MTUS2: variants seen among roughly 807,000 people sequenced by gnomAD.
The protein encoded by MTUS2 is microtubule associated scaffold protein 2.
MTUS2 carries 40 observed loss-of-function variants against 114.1 expected under a neutral mutation model. The ratio of observed to expected loss-of-function variants is 0.35; its 90% CI spans 0.27 to 0.46. The LOEUF (loss-of-function observed/expected upper bound fraction) is 0.46. Ranked by LOEUF, MTUS2 falls within the 20% of genes least tolerant of loss-of-function variation. MTUS2 has a pLI of 1.00. For synonymous variants in MTUS2, 688 were observed against 672.0 expected, an observed-to-expected ratio of 1.02 and a Z score of -0.37; for missense variants, 1,679 against 1,705.4, an observed-to-expected ratio of 0.98 and a Z score of 0.27.
intron 8 of MTUS2, among the ~76,000 whole-genome samples, chr13:29,428,462 A>G (rs1249063678): frequency 6.6e-6 from 1 of 152,216 alleles, no homozygotes; most frequent in African/African-American, 2.4e-5. Context: ...CCGCGCACCC[A>G]GAGGAGAGCA....
rs1884707212 is a variant in MTUS2, at chr13:28,989,049, G to A, written c.-242-35408G>A. Among the ~76,000 whole-genome samples the A allele has an allele frequency of 2.0e-5, 3 of 152,232 alleles. No homozygotes were observed. In the South Asian group the frequency reaches 6.2e-4, roughly 31 times the overall value. Reference sequence around the variant, plus strand: ...TGGTTTTGGACTAGCTTCTAATCAAGAGATGCAAATGCTTTCTTGTCAGCA... The same window carrying A: ...TGGTTTTGGACTAGCTTCTAATCAAAAGATGCAAATGCTTTCTTGTCAGCA... On this transcript the variant is annotated intron_variant, in intron 2 of 15. Transcript: ENST00000612955.
intron 2 of MTUS2, among the ~76,000 whole-genome samples, chr13:28,857,514 C>A (rs940567963): frequency 1.3e-5 from 2 of 152,144 alleles, no homozygotes; most frequent in Non-Finnish European, 2.9e-5. Context: ...CAAGAGGCAG[C>A]AAGTGCCAGA....
At chr13:29,242,151 G>C (rs1015560531) in intron 5 of MTUS2, among the ~76,000 whole-genome samples, 2 of 151,928 alleles carry the variant, frequency 1.3e-5, no homozygotes, top group East Asian at 3.8e-4. Context: ...GTGACTTTTT[G>C]TCAATTTACT....
At chr13:29,334,793 C>G (rs1900967800) in intron 7 of MTUS2, among the ~76,000 whole-genome samples, 1 of 152,154 alleles carries the variant, frequency 6.6e-6, no homozygotes, top group African/African-American at 2.4e-5. Flanking sequence ...CTGGCTGAAG[C>G]CACGGCAGAA....
At chr13:29,407,847 C>G (rs147470187) in intron 8 of MTUS2, among the ~76,000 whole-genome samples, 126 of 152,292 alleles carry the variant, frequency 8.3e-4, no homozygotes, top group African/African-American at 2.9e-3. Flanking sequence ...TACTAGCCAA[C>G]TGAGATATCA....
chr13:28,938,160 G>A (rs1459187449), intron 2 of MTUS2, among the ~76,000 whole-genome samples: 7 of 152,138 alleles, frequency 4.6e-5, no homozygotes, highest in African/African-American at 7.2e-5. Flanking sequence ...CAAGGCGAGC[G>A]GATCATGAGG....
intron 5 of MTUS2, among the ~76,000 whole-genome samples, chr13:29,273,720 C>T (rs1897959981): frequency 6.6e-6 from 1 of 152,138 alleles, no homozygotes; most frequent in African/African-American, 2.4e-5. Context: ...CCCTTCAGCC[C>T]CTGAAAGCCA....
intron 5 of MTUS2, among the ~76,000 whole-genome samples, chr13:29,119,637 G>A (rs1891227443): frequency 6.6e-6 from 1 of 152,144 alleles, no homozygotes; most frequent in African/African-American, 2.4e-5. Flanking sequence ...TGAGCACCAG[G>A]AGTACTGAGG....
intron 2 of MTUS2, among the ~76,000 whole-genome samples, chr13:28,860,656 C>G (rs990318040): frequency 2.0e-5 from 3 of 152,220 alleles, no homozygotes; most frequent in Admixed American, 6.5e-5. Context: ...TGACCGCACC[C>G]TCCTTGCTCC....
chr13:28,852,900 A>C (rs144655335), intron 2 of MTUS2, among the ~76,000 whole-genome samples: 4 of 148,490 alleles, frequency 2.7e-5, no homozygotes, highest in South Asian at 2.2e-4. Context: ...CTCTGTCTTA[A>C]ATACATACAT....
intron 9 of MTUS2, among the ~76,000 whole-genome samples, chr13:29,452,570 ATATATG>A (rs1878770584): frequency 7.6e-6 from 1 of 131,184 alleles, no homozygotes; most frequent in Admixed American, 8.2e-5. Flanking sequence ...ATATATATAT[ATATATG>A]TGTGTGTGTG....
chr13:29,081,830 C>T (rs1175783679), intron 4 of MTUS2, among the ~76,000 whole-genome samples: 9 of 151,796 alleles, frequency 5.9e-5, no homozygotes, highest in African/African-American at 1.9e-4. Context: ...CAACCTTGAA[C>T]GAGAAATTGT....
intron 5 of MTUS2, among the ~76,000 whole-genome samples, chr13:29,259,816 G>A (rs1897403139): frequency 6.6e-6 from 1 of 152,148 alleles, no homozygotes; most frequent in Non-Finnish European, 1.5e-5. Context: ...GGAGAGGGGA[G>A]CCTAACCTTT....
chr13:28,979,772 G>A (rs111339328), intron 2 of MTUS2, among the ~76,000 whole-genome samples: 1,884 of 152,232 alleles, frequency 0.012, 34 homozygotes, highest in African/African-American at 0.043. Context: ...CAGTTTCCCA[G>A]AATACACTGC....
chr13:29,187,621 C>G (rs1433301086), intron 5 of MTUS2, among the ~76,000 whole-genome samples: 2 of 152,260 alleles, frequency 1.3e-5, no homozygotes, highest in Admixed American at 1.3e-4. Flanking sequence ...TGGAACATGG[C>G]AAAATACTTT....
chr13:29,263,616 G>A (rs565970367), intron 5 of MTUS2, among the ~76,000 whole-genome samples: 3 of 152,064 alleles, frequency 2.0e-5, no homozygotes, highest in South Asian at 2.1e-4. Flanking sequence ...TTTTACTCAC[G>A]GCAGAAGACA....
In MTUS2 at chr13:29,028,612, G is replaced by A. The variant is rs189488591; in HGVS notation, c.2205+1709G>A. On this transcript the variant is annotated intron_variant, in intron 3 of 15. Coordinates refer to ENST00000612955, the MANE Select transcript of MTUS2 (RefSeq NM_001033602.4). The stretch of plus-strand genomic sequence containing the variant: ...TCTCCCTCACTCCCTTTAGGTCTGT[G>A]TTCCAATGTTATCTCCTTGGGAAGG... 5.3e-5 allele frequency among the ~76,000 whole-genome samples: 8 copies of A among 151,872 alleles called. No individual in the cohort carries two copies. In the East Asian group the frequency reaches 1.6e-3, roughly 30 times the overall value.
intron 7 of MTUS2, among the ~76,000 whole-genome samples, chr13:29,336,886 C>T (rs1407709674): frequency 6.6e-6 from 1 of 152,230 alleles, no homozygotes; most frequent in African/African-American, 2.4e-5. Context: ...AGCGGCTTTG[C>T]AGCACTGAGG....
At position 29,281,883 on chromosome 13, in the gene MTUS2, G is replaced by A; in HGVS notation, c.2806+18G>A. ...ACCCGCTGGTAAGACTTTGTGCCTT[G>A]GAGAGGCTCCATGGTGGAGTGCCCT... On this transcript the variant is annotated intron_variant, in intron 6 of 15. Transcript: ENST00000612955. 1 of 1,564,112 alleles carries A rather than the reference G, an allele frequency of 6.4e-7. No individual in the cohort carries two copies. The highest frequency in any genetic ancestry group is 8.7e-7 in the Non-Finnish European group (1 of 1,151,196).
Sources: gnomAD v4.1 joint callset for allele counts (sites outside exome capture counted in the v4.1 genomes callset) on GRCh38, gnomAD v4.1.1 for gene constraint, MANE v1.5 for transcripts, NCBI Gene and HGNC (gene_info 2026-07-23, HGNC 2026-07-21) for gene names.